RAB11FIP2: variants seen among roughly 807,000 people sequenced by gnomAD.
RAB11FIP2 encodes rab11 family-interacting protein 2.
RAB11FIP2 carries 16 observed loss-of-function variants against 40.9 expected under a neutral mutation model. The ratio of observed to expected loss-of-function variants is 0.39; its 90% CI spans 0.26 to 0.59. The LOEUF (loss-of-function observed/expected upper bound fraction) is 0.59. Ranked by LOEUF, RAB11FIP2 falls within the 20% of genes least tolerant of loss-of-function variation. The pLI, the probability that RAB11FIP2 is intolerant of heterozygous loss-of-function variation, is 0.53. For missense variants in RAB11FIP2, 532 were observed against 606.2 expected (o/e 0.88, Z 1.28); for synonymous variants, 228 against 213.7 (o/e 1.07, Z -0.58).
chr10:118,037,829 T>G (rs1041582741), intron 3 of RAB11FIP2, among the ~76,000 whole-genome samples: 1 of 151,984 alleles, frequency 6.6e-6, no homozygotes, highest in African/African-American at 2.4e-5. Context: ...GTTCCAGGAC[T>G]CCAAGGATAC....
rs1360539630 is a variant in RAB11FIP2 at position 118,046,122 on chromosome 10, G to A, written c.42C>T (p.His14=). 1.2e-5 allele frequency: 19 copies of A among 1,614,070 alleles called. No homozygotes were observed. The highest frequency in any genetic ancestry group is 3.3e-5 in the Admixed American group (2 of 60,004). ...TGGCTTGGAGCACTGTGACCTGCAC[G>A]TGGGTTGGAAACCACTTTTGGGCTT... ...SEQAQKWFPT[H]VQVTVLQAKD... is the part of the protein sequence containing the mutation. The change falls in exon 1 of 5, where the codon CAC becomes CAT. Residue 14 remains histidine (H), a synonymous_variant. Transcript: ENST00000355624.
At chr10:118,029,827 T>C (rs970216771) in intron 3 of RAB11FIP2, among the ~76,000 whole-genome samples, 1 of 152,188 alleles carries the variant, frequency 6.6e-6, no homozygotes. Context: ...TCAAGATTCA[T>C]ACTTCAGAAA....
intron 3 of RAB11FIP2, among the ~76,000 whole-genome samples, chr10:118,024,229 T>C (rs1401035347): frequency 1.3e-5 from 2 of 152,172 alleles, no homozygotes; most frequent in Non-Finnish European, 2.9e-5. Context: ...TTTTTCTCTT[T>C]AATATTCTAA....
chr10:118,026,105 A>G (rs1207011782), intron 3 of RAB11FIP2, among the ~76,000 whole-genome samples: 1 of 152,182 alleles, frequency 6.6e-6, no homozygotes, highest in Non-Finnish European at 1.5e-5. Flanking sequence ...ATCCCTTATC[A>G]AATTCAAAAA....
rs1244303772 is a variant in RAB11FIP2, at chr10:118,007,387, G to T, written c.*1611C>A. 3 of 150,512 alleles carry T rather than the reference G, an allele frequency of 2.0e-5. No individual in the cohort carries two copies. Among genetic ancestry groups the T allele is most frequent in the African/African-American group, 4.9e-5 (2 of 40,984 alleles). 9.3% of individuals were successfully genotyped at this position (150,512 alleles called of 1,614,324 possible). A position where few individuals can be genotyped will look rare whatever the true frequency, so the allele number is the denominator to read the frequency against. On this transcript the variant is annotated 3_prime_UTR_variant, in exon 5 of 5. Transcript: ENST00000355624. The stretch of plus-strand genomic sequence containing the variant: ...ATGCAGAAGATACAAATAACAAGGG[G>T]TTTTAGTTTACAAATACGAGCTTGG...
At chr10:118,035,568 A>G (rs1846470960) in intron 3 of RAB11FIP2, among the ~76,000 whole-genome samples, 1 of 152,118 alleles carries the variant, frequency 6.6e-6, no homozygotes, top group Non-Finnish European at 1.5e-5. Context: ...GGTTTGCTAC[A>G]CTGTGTGCAT....
At position 118,015,107 on chromosome 10, in the gene RAB11FIP2, A is replaced by G; in HGVS notation, c.1269T>C (p.Phe423=). The G allele has an allele frequency of 1.2e-6, 2 of 1,605,238 alleles. No individual in the cohort carries two copies. Among genetic ancestry groups the G allele is most frequent in the Non-Finnish European group, 1.7e-6 (2 of 1,175,000 alleles). Residue 423 remains phenylalanine, a synonymous_variant, in exon 4 of 5, where the codon TTT becomes TTC. Coordinates refer to ENST00000355624, the MANE Select transcript of RAB11FIP2 (RefSeq NM_014904.3). ...RASNIMPSSS[F]HMSPTSNEDL... is the part of the protein sequence containing the mutation. Reference sequence around the variant, plus strand: ...CTTCATTGCTTGTTGGACTCATATGAAAACTAATAAAACACAAACAAATGT... The same window carrying G: ...CTTCATTGCTTGTTGGACTCATATGGAAACTAATAAAACACAAACAAATGT...
chr10:118,015,462 G>A (rs1334068030), intron 3 of RAB11FIP2, among the ~76,000 whole-genome samples: 1 of 152,116 alleles, frequency 6.6e-6, no homozygotes, highest in African/African-American at 2.4e-5. Context: ...CTCACCTTAG[G>A]CCCTCTGATA....
rs1468985487 is a variant in RAB11FIP2 at position 118,040,143 on chromosome 10, A to G, written c.776T>C (p.Phe259Ser). ...THLLGHQLDS[F>S]GTVPESGSLK... ...CTTACCACTTTCTGGAACTGTTCCAAAGGAATCTAACTGGTGTCCGAGAAG... is the reference window on the plus strand; with the variant it reads ...CTTACCACTTTCTGGAACTGTTCCAGAGGAATCTAACTGGTGTCCGAGAAG... The change falls in exon 2 of 5, where the codon TTT becomes TCT. Residue 259 changes from phenylalanine to serine, a missense_variant. Coordinates refer to ENST00000355624, the MANE Select transcript of RAB11FIP2 (RefSeq NM_014904.3). The G allele has an allele frequency of 4.3e-6, 7 of 1,613,448 alleles. No individual in the cohort carries two copies. The highest frequency in any genetic ancestry group is 1.3e-5 in the African/African-American group (1 of 74,868).
In RAB11FIP2 at chr10:118,046,925, G is replaced by A. The variant is rs1846657467; in HGVS notation, c.-762C>T. 6.5e-6 allele frequency: 1 copy of A among 153,316 alleles called. No homozygotes were observed. Among genetic ancestry groups the A allele is most frequent in the Non-Finnish European group, 1.5e-5 (1 of 68,700 alleles). The allele number at this position is 153,316 out of a possible 1,614,324, so 9.5% of individuals were successfully genotyped here. On this transcript the variant is annotated 5_prime_UTR_variant, in exon 1 of 5. Transcript: ENST00000355624. Reference sequence around the variant, plus strand: ...GCACTTCCGGGTTGGCCTTCTCCATGTTGGTCTCGGGAACGTGAAGGGGCG... The same window carrying A: ...GCACTTCCGGGTTGGCCTTCTCCATATTGGTCTCGGGAACGTGAAGGGGCG...
Position 118,004,988 on chromosome 10 carries a change from G to T in RAB11FIP2, c.*4010C>A, listed in dbSNP as rs1846077789. 1 of 152,558 alleles carries T rather than the reference G, an allele frequency of 6.6e-6. No homozygotes were observed. Among genetic ancestry groups the T allele is most frequent in the African/African-American group, 2.4e-5 (1 of 41,428 alleles). 9.5% of individuals were successfully genotyped at this position (152,558 alleles called of 1,614,324 possible). ...TATAAAAATTCTGATTCATGCATCA[G>T]ATTACATAAATTATACAATTGTCAC... On this transcript the variant is annotated 3_prime_UTR_variant, in exon 5 of 5. Coordinates refer to ENST00000355624, the MANE Select transcript of RAB11FIP2 (RefSeq NM_014904.3).
rs755940145 is a variant in RAB11FIP2 at position 118,040,463 on chromosome 10, A to G, written c.456T>C (p.Phe152=). 1 of 1,613,228 alleles carries G rather than the reference A, an allele frequency of 6.2e-7. No individual in the cohort carries two copies. Among genetic ancestry groups the G allele is most frequent in the East Asian group, 2.2e-5 (1 of 44,864 alleles). Residue 152 remains phenylalanine, a synonymous_variant, in exon 2 of 5, where the codon TTT becomes TTC. Coordinates refer to ENST00000355624, the MANE Select transcript of RAB11FIP2 (RefSeq NM_014904.3). ...FMRNNMTASM[F]DLSMKDKTRS... ...TGGTTTTGTCCTTCATTGATAAGTC[A>G]AACATACTTGCGGTCATATTGTTCC...
intron 2 of RAB11FIP2, 154 bp from the exon 3 acceptor site, chr10:118,039,594 C>G (rs1393274072): frequency 1.5e-6 from 1 of 677,756 alleles, no homozygotes; most frequent in Non-Finnish European, 2.5e-6. Context: ...TCTTAAAATG[C>G]TAAGGTGTAG....
At chr10:118,042,020 CA>C (rs1846566264) in intron 1 of RAB11FIP2, among the ~76,000 whole-genome samples, 1 of 151,946 alleles carries the variant, frequency 6.6e-6, no homozygotes, top group Non-Finnish European at 1.5e-5. Context: ...AAATAACATA[CA>C]ATTGAGCACT....
chr10:118,034,605 A>AT (rs1564834867), intron 3 of RAB11FIP2, among the ~76,000 whole-genome samples: 1 of 152,176 alleles, frequency 6.6e-6, no homozygotes, highest in Non-Finnish European at 1.5e-5. Context: ...AAATTGTGTG[A>AT]TAAACCAAAT....
intron 3 of RAB11FIP2, among the ~76,000 whole-genome samples, chr10:118,033,077 A>G (rs1305958668): frequency 1.3e-5 from 2 of 151,198 alleles, no homozygotes; most frequent in African/African-American, 2.4e-5. Flanking sequence ...ATATGTATAG[A>G]AAAAAAAACA....
intron 1 of RAB11FIP2, chr10:118,045,575 C>A: frequency 2.2e-6 from 1 of 449,658 alleles, no homozygotes; most frequent in East Asian, 3.9e-5. Context: ...ACAAAATATT[C>A]AATTATTTGA....
intron 3 of RAB11FIP2, among the ~76,000 whole-genome samples, chr10:118,021,673 A>G (rs545626622): frequency 1.3e-5 from 2 of 152,286 alleles, no homozygotes; most frequent in Admixed American, 6.5e-5. Context: ...CCAAAAAACT[A>G]TTTTCACTAA....
At chr10:118,022,932 A>T (rs898381548) in intron 3 of RAB11FIP2, among the ~76,000 whole-genome samples, 21 of 152,258 alleles carry the variant, frequency 1.4e-4, no homozygotes, top group Non-Finnish European at 2.9e-4. Flanking sequence ...CAAAGAGTGG[A>T]AGAAATAATC....
Sources: gnomAD v4.1 joint callset for allele counts (sites outside exome capture counted in the v4.1 genomes callset) on GRCh38, gnomAD v4.1.1 for gene constraint, MANE v1.5 for transcripts, NCBI Gene and HGNC (gene_info 2026-07-23, HGNC 2026-07-21) for gene names.